Variants in PPFIBP2 observed in about 807,000 individuals in gnomAD.
The protein encoded by PPFIBP2 is liprin-beta-2.
Under a neutral mutation model 118.3 loss-of-function variants are expected in PPFIBP2, and 118 were observed. The ratio of observed to expected loss-of-function variants is 1.00; its 90% CI spans 0.86 to 1.16. PPFIBP2 has a LOEUF of 1.16. Ranked by LOEUF, PPFIBP2 falls within the 50% of genes most tolerant of loss-of-function variation. PPFIBP2 has a pLI of 0.00. For synonymous variants in PPFIBP2, 414 were observed against 397.4 expected, an observed-to-expected ratio of 1.04 and a Z score of -0.50; for missense variants, 1,195 against 1,073.1, an observed-to-expected ratio of 1.11 and a Z score of -1.59.
chr11:7,647,428 G>A (rs1247456187), intron 17 of PPFIBP2, among the ~76,000 whole-genome samples: 1 of 152,024 alleles, frequency 6.6e-6, no homozygotes, highest in Non-Finnish European at 1.5e-5. Context: ...ATTTATTCAT[G>A]TCCTTTTTTA....
chr11:7,517,935 C>T (rs1849383246), intron 1 of PPFIBP2, among the ~76,000 whole-genome samples: 2 of 152,186 alleles, frequency 1.3e-5, no homozygotes, highest in South Asian at 2.1e-4. Flanking sequence ...GGGTCCTCCG[C>T]AGAGGGGGCA....
chr11:7,641,441 TC>T, intron 15 of PPFIBP2, 37 bp from the exon 16 acceptor site: 1 of 1,610,744 alleles, frequency 6.2e-7, no homozygotes, highest in South Asian at 1.1e-5. Flanking sequence ...AGGGGTCACA[TC>T]CTTACATTCA....
chr11:7,579,970 A>C (rs553843593), intron 3 of PPFIBP2, among the ~76,000 whole-genome samples: 18 of 152,224 alleles, frequency 1.2e-4, no homozygotes, highest in Admixed American at 9.8e-4. Context: ...AACAAAAAAA[A>C]CAAATTCCCT....
At chr11:7,655,887 C>A (rs1854640528), downstream of PPFIBP2, among the ~76,000 whole-genome samples, 1 of 152,128 alleles carries the variant, frequency 6.6e-6, no homozygotes, top group South Asian at 2.1e-4. Context: ...CACCCTCTGC[C>A]CAGAGACATA....
intron 3 of PPFIBP2, among the ~76,000 whole-genome samples, chr11:7,580,264 C>T (rs530015569): frequency 1.5e-3 from 229 of 152,340 alleles, no homozygotes; most frequent in African/African-American, 5.3e-3. Flanking sequence ...CCTCCCTCCC[C>T]ACCTCCTGTA....
At chr11:7,522,767 C>T (rs908963793) in intron 1 of PPFIBP2, among the ~76,000 whole-genome samples, 3 of 152,138 alleles carry the variant, frequency 2.0e-5, no homozygotes, top group Non-Finnish European at 2.9e-5. Flanking sequence ...TGCCCTGTGG[C>T]CTAGCTGTAT....
intron 3 of PPFIBP2, among the ~76,000 whole-genome samples, chr11:7,579,231 A>T (rs576186835): frequency 6.6e-6 from 1 of 152,334 alleles, no homozygotes; most frequent in South Asian, 2.1e-4. Flanking sequence ...TATTAGTGTC[A>T]TAGCTATTAG....
the PPFIBP2 span, chr11:7,665,514 C>CA: frequency 6.2e-7 from 1 of 1,612,356 alleles, no homozygotes; most frequent in Non-Finnish European, 8.5e-7. Context: ...TTGATCATGT[C>CA]GGCAGTAACG....
Position 7,653,504 on chromosome 11 carries a change from C to A in PPFIBP2, c.*286C>A, listed in dbSNP as rs1294613715. 7.2e-7 allele frequency: 1 copy of A among 1,386,988 alleles called. No individual in the cohort carries two copies. The highest frequency in any genetic ancestry group is 2.2e-5 in the Admixed American group (1 of 46,332). 85.9% of individuals were successfully genotyped at this position (1,386,988 alleles called of 1,614,324 possible). A position where few individuals can be genotyped will look rare whatever the true frequency, so the allele number is the denominator to read the frequency against. ...TAATTCTTGATGTTCATCTTCAGCA[C>A]CAGTGGAAACACATGAACTTCGATG... On this transcript the variant is annotated 3_prime_UTR_variant, in exon 24 of 24. Coordinates refer to ENST00000299492, the MANE Select transcript of PPFIBP2 (RefSeq NM_003621.5).
intron 6 of PPFIBP2, among the ~76,000 whole-genome samples, chr11:7,617,894 G>A (rs1848858492): frequency 6.7e-6 from 1 of 149,750 alleles, no homozygotes; most frequent in Non-Finnish European, 1.5e-5. Context: ...ATCTGACTGG[G>A]ATTCTGGACT....
downstream of PPFIBP2, among the ~76,000 whole-genome samples, chr11:7,660,869 G>C (rs7940408): frequency 7.2e-3 from 1,090 of 152,022 alleles, 8 homozygotes; most frequent in African/African-American, 0.025. Context: ...TCCTGGTTTA[G>C]TGTTGGGAGA....
At position 7,577,345 on chromosome 11, in the gene PPFIBP2, G is replaced by GTGTGTA. The variant is rs1554958868; in HGVS notation, c.279+11583_279+11584insATGTGT. The stretch of plus-strand genomic sequence containing the variant: ...CGTGTGTGTGTGTGTGTGTGTGTGT[G>GTGTGTA]TGTGTGTTTGTTGGGGTGGTCGGGG... On this transcript the variant is annotated intron_variant, in intron 3 of 23. Transcript: ENST00000299492. The GTGTGTA allele has an allele frequency of 4.8e-4, 159 of 333,720 alleles. 2 individuals are homozygous for GTGTGTA. Among genetic ancestry groups the GTGTGTA allele is most frequent in the African/African-American group, 1.4e-3 (62 of 45,244 alleles). The allele number at this position is 333,720 out of a possible 1,614,324, so 20.7% of individuals were successfully genotyped here.
chr11:7,610,252 A>G (rs551678290), intron 5 of PPFIBP2, 39 bp from the exon 6 acceptor site: 8 of 1,603,430 alleles, frequency 5.0e-6, no homozygotes, highest in Admixed American at 3.3e-5. Flanking sequence ...TCTTATTGCC[A>G]TAGTGGTTTC....
At chr11:7,560,117 T>TC (rs975168784) in intron 2 of PPFIBP2, among the ~76,000 whole-genome samples, 5 of 152,104 alleles carry the variant, frequency 3.3e-5, no homozygotes, top group African/African-American at 9.7e-5. Context: ...ACCAGGTTTT[T>TC]CCCCCTTTCA....
At chr11:7,564,007 A>G (rs1424797117) in intron 2 of PPFIBP2, among the ~76,000 whole-genome samples, 1 of 152,152 alleles carries the variant, frequency 6.6e-6, no homozygotes, top group Admixed American at 6.5e-5. Flanking sequence ...CTACTAAAAA[A>G]TACAAAAAAT....
intron 6 of PPFIBP2, chr11:7,617,354 G>T (rs1231630818): frequency 1.0e-6 from 1 of 961,538 alleles, no homozygotes; most frequent in African/African-American, 1.8e-5. Context: ...ACTGGTGGAG[G>T]GGCTGGGGTT....
intron 5 of PPFIBP2, among the ~76,000 whole-genome samples, chr11:7,605,554 A>G (rs932020411): frequency 6.6e-6 from 1 of 152,246 alleles, no homozygotes; most frequent in African/African-American, 2.4e-5. Flanking sequence ...GAATCACGAC[A>G]AAAGACTAAC....
At chr11:7,564,869 C>T (rs972356396) in intron 2 of PPFIBP2, among the ~76,000 whole-genome samples, 1 of 152,194 alleles carries the variant, frequency 6.6e-6, no homozygotes, top group Admixed American at 6.5e-5. Context: ...AGAGCTGGTA[C>T]AGAGTCACTT....
chr11:7,551,178 T>C (rs536338613), intron 2 of PPFIBP2, among the ~76,000 whole-genome samples: 19 of 152,150 alleles, frequency 1.2e-4, no homozygotes, highest in Non-Finnish European at 1.9e-4. Context: ...AGCAATCCTT[T>C]TAGAGATACT....
Sources: allele counts gnomAD v4.1 joint callset (sites outside exome capture counted in the v4.1 genomes callset), GRCh38; gene constraint gnomAD v4.1.1; transcripts MANE v1.5; gene names NCBI Gene and HGNC (gene_info 2026-07-23, HGNC 2026-07-21).